Variants in UBXN7 observed in about 807,000 individuals in gnomAD.
UBXN7 encodes UBX domain-containing protein 7.
Under a neutral mutation model 58.0 loss-of-function variants are expected in UBXN7, and 9 were observed. The observed-to-expected ratio is 0.16, with a 90% CI of 0.09 to 0.27. The LOEUF (loss-of-function observed/expected upper bound fraction) is 0.27. Ranked by LOEUF, UBXN7 falls within the 10% of genes least tolerant of loss-of-function variation. The pLI is 1.00. For synonymous variants in UBXN7, 208 were observed against 205.0 expected (o/e 1.01, Z -0.12); for missense variants, 328 against 599.6 (o/e 0.55, Z 4.73).
At chr3:196,363,124 T>C (rs945807611) in intron 8 of UBXN7, among the ~76,000 whole-genome samples, 1 of 151,488 alleles carries the variant, frequency 6.6e-6, no homozygotes, top group Non-Finnish European at 1.5e-5. Flanking sequence ...TTTCACCACA[T>C]TGGCCAGGCT....
intron 10 of UBXN7, 56 bp downstream of exon 10, chr3:196,361,788 T>C (rs775237588): frequency 3.4e-5 from 51 of 1,489,248 alleles, no homozygotes; most frequent in East Asian, 3.4e-4. Flanking sequence ...ACCAAACAAT[T>C]TGGGACTCGT....
At position 196,354,944 on chromosome 3, in the gene UBXN7, G is replaced by A. The variant is rs950113500; in HGVS notation, c.*1741C>T. On this transcript the variant is annotated 3_prime_UTR_variant, in exon 11 of 11. Coordinates refer to ENST00000296328, the MANE Select transcript of UBXN7 (RefSeq NM_015562.2). ...GAACATTAATTCAAAAGGACTCACT[G>A]AAGAATAAACAGATTTTTCCATGAT... 2 of 151,988 alleles carry A rather than the reference G, an allele frequency of 1.3e-5. No homozygotes were observed. The highest frequency in any genetic ancestry group is 4.8e-5 in the African/African-American group (2 of 41,432). The allele number at this position is 151,988 out of a possible 1,614,324, so 9.4% of individuals were successfully genotyped here.
intron 1 of UBXN7, among the ~76,000 whole-genome samples, chr3:196,427,664 A>G (rs552351845): frequency 3.9e-5 from 6 of 152,332 alleles, no homozygotes; most frequent in Admixed American, 2.0e-4. Context: ...ATCCAGCTGC[A>G]TATTTTTCCT....
At chr3:196,408,991 CT>C (rs1200974037) in intron 1 of UBXN7, among the ~76,000 whole-genome samples, 9 of 152,152 alleles carry the variant, frequency 5.9e-5, no homozygotes, top group Non-Finnish European at 2.9e-5. Context: ...GTCTCGCCCC[CT>C]CCATTCATAC....
chr3:196,401,823 G>GAGAGAAGAGAAGAGAGAAGAGAAGAGA (rs1730000743), intron 3 of UBXN7, among the ~76,000 whole-genome samples: 2 of 120,314 alleles, frequency 1.7e-5, no homozygotes, highest in African/African-American at 6.2e-5. Flanking sequence ...GAAAAGAGAA[G>GAGAGAAGAGAAGAGAGAAGAGAAGAGA]AGAGAAGAGA....
At chr3:196,415,618 TA>T (rs1487660773) in intron 1 of UBXN7, among the ~76,000 whole-genome samples, 2 of 150,104 alleles carry the variant, frequency 1.3e-5, no homozygotes, top group Non-Finnish European at 3.0e-5. Flanking sequence ...TACTAAAAAA[TA>T]AAAAATAAAA....
intron 10 of UBXN7, among the ~76,000 whole-genome samples, chr3:196,357,933 C>T (rs748317774): frequency 1.1e-4 from 16 of 151,574 alleles, no homozygotes; most frequent in Non-Finnish European, 2.2e-4. Flanking sequence ...CCGGGAAGGT[C>T]AAGGTGGGAG....
rs1275339321 is a variant in UBXN7 at position 196,403,374 on chromosome 3, C to T, written c.222-355G>A. ...ACAGGGTCGCGCCATGTTGGCCAGG[C>T]TGGTCTCAAACTCTTGAGCTCAAGC... is the stretch of plus-strand genomic sequence containing the variant. On this transcript the variant is annotated intron_variant, in intron 2 of 10. Coordinates refer to ENST00000296328, the MANE Select transcript of UBXN7 (RefSeq NM_015562.2). 2.0e-5 allele frequency among the ~76,000 whole-genome samples: 3 copies of T among 152,126 alleles called. No individual in the cohort carries two copies. In the East Asian group the frequency reaches 5.8e-4, roughly 29 times the overall value.
intron 1 of UBXN7, among the ~76,000 whole-genome samples, chr3:196,428,821 C>T (rs1730928116): frequency 7.3e-6 from 1 of 136,314 alleles, no homozygotes; most frequent in Non-Finnish European, 1.6e-5. Context: ...CCCAGTCCGT[C>T]TCAAAAAAAA....
At position 196,396,176 on chromosome 3, in the gene UBXN7, A is replaced by G. The variant is rs1309547645; in HGVS notation, c.290-2557T>C. ...AAAGCAAGAAATGTCATACTTTTCAATCTTAGAACTATTTTTGATCAAGAG... is the reference window on the plus strand; with the variant it reads ...AAAGCAAGAAATGTCATACTTTTCAGTCTTAGAACTATTTTTGATCAAGAG... On this transcript the variant is annotated intron_variant, in intron 3 of 10. Transcript: ENST00000296328. 2.0e-5 allele frequency among the ~76,000 whole-genome samples: 3 copies of G among 151,730 alleles called. No individual in the cohort carries two copies. The East Asian group carries it at 5.8e-4, about 29-fold the overall frequency.
At position 196,374,984 on chromosome 3, in the gene UBXN7, A is replaced by AAGGAAGGG. The variant is rs1410306305; in HGVS notation, c.469-2943_469-2942insCCCTTCCT. Reference sequence around the variant, plus strand: ...AAAAAAAGGAAGGAGGGAAGGAAGGAAGGGAGGGAGGGAGGGAGGGAGGAA... The same window carrying AAGGAAGGG: ...AAAAAAAGGAAGGAGGGAAGGAAGGAAGGAAGGGAGGGAGGGAGGGAGGGAGGGAGGAA... On this transcript the variant is annotated intron_variant, in intron 5 of 10. Coordinates refer to ENST00000296328, the MANE Select transcript of UBXN7 (RefSeq NM_015562.2). 1.5e-3 allele frequency among the ~76,000 whole-genome samples: 50 copies of AAGGAAGGG among 32,450 alleles called. No homozygotes were observed. The East Asian group carries it at 0.03, about 19-fold the overall frequency. The allele number at this position is 32,450 out of a possible 152,430, so 21.3% of individuals were successfully genotyped here. A position where few individuals can be genotyped will look rare whatever the true frequency, so the allele number is the denominator to read the frequency against.
chr3:196,362,383 T>C lies in UBXN7; in HGVS notation c.1139A>G (p.Asn380Ser). 6.2e-7 allele frequency: 1 copy of C among 1,614,148 alleles called. No homozygotes were observed. Among genetic ancestry groups the C allele is most frequent in the Non-Finnish European group, 8.5e-7 (1 of 1,180,030 alleles). Residue 380 changes from asparagine to serine, a missense_variant, in exon 9 of 11, where the codon AAC (asparagine) becomes AGC (serine). Physicochemically the swap from Asn to Ser is conservative, Grantham distance 46. Coordinates refer to ENST00000296328, the MANE Select transcript of UBXN7 (RefSeq NM_015562.2). ...PVRTDPGTATNHQGLPAVDSE... is the reference protein window; with the variant it reads ...PVRTDPGTATSHQGLPAVDSE... ...ATCCACAGCTGGCAATCCTTGGTGG[T>C]TTGTGGCTGTTCCAGGATCAGTTCT...
chr3:196,373,301 C>T (rs1188036591), intron 5 of UBXN7, among the ~76,000 whole-genome samples: 1 of 152,138 alleles, frequency 6.6e-6, no homozygotes, highest in African/African-American at 2.4e-5. Context: ...GATCCCCAAA[C>T]AACTCTACGA....
intron 1 of UBXN7, among the ~76,000 whole-genome samples, chr3:196,427,137 A>G (rs1215226107): frequency 1.3e-5 from 2 of 152,108 alleles, no homozygotes; most frequent in African/African-American, 4.8e-5. Context: ...TATAGTGTCT[A>G]TGTATCCCTC....
intron 10 of UBXN7, among the ~76,000 whole-genome samples, chr3:196,358,341 T>TCA (rs1399206357): frequency 3.3e-5 from 5 of 152,094 alleles, no homozygotes; most frequent in Middle Eastern, 3.2e-3. Flanking sequence ...AGTAGTCATT[T>TCA]CAGTTGGGTT....
At chr3:196,374,898 GGGGGGA>G (rs1728950400) in intron 5 of UBXN7, among the ~76,000 whole-genome samples, 1 of 6,164 alleles carries the variant, frequency 1.6e-4, no homozygotes, top group Non-Finnish European at 4.1e-4. Flanking sequence ...GGGAGGGGAG[GGGGGGA>G]GGGGGAGGGG....
intron 1 of UBXN7, among the ~76,000 whole-genome samples, chr3:196,426,155 G>A (rs1438315518): frequency 6.6e-6 from 1 of 151,868 alleles, no homozygotes. Context: ...AGGCTGAGGT[G>A]GGTGGATCAC....
chr3:196,350,525 T>G lies in UBXN7; in HGVS notation c.*6160A>C, dbSNP rs1257578238. On this transcript the variant is annotated 3_prime_UTR_variant, in exon 11 of 11. Transcript: ENST00000296328. ...AAAAATCATAACTATTTTCAGAGAATGAATGTTAAAAATAAATGGTGGAGA... is the reference window on the plus strand; with the variant it reads ...AAAAATCATAACTATTTTCAGAGAAGGAATGTTAAAAATAAATGGTGGAGA... The G allele has an allele frequency of 1.3e-5, 2 of 152,212 alleles. No individual in the cohort carries two copies. Among genetic ancestry groups the G allele is most frequent in the Admixed American group, 6.5e-5 (1 of 15,286 alleles). The allele number at this position is 152,212 out of a possible 1,614,324, so 9.4% of individuals were successfully genotyped here.
At chr3:196,407,699 G>C (rs536068799) in intron 1 of UBXN7, among the ~76,000 whole-genome samples, 8 of 152,040 alleles carry the variant, frequency 5.3e-5, no homozygotes, top group African/African-American at 1.9e-4. Flanking sequence ...ATATATTTGG[G>C]AATAAGCTGA....
Sources: allele counts gnomAD v4.1 joint callset (sites outside exome capture counted in the v4.1 genomes callset), GRCh38; gene constraint gnomAD v4.1.1; transcripts MANE v1.5; gene names NCBI Gene and HGNC (gene_info 2026-07-23, HGNC 2026-07-21).